EPHA6: variants seen among roughly 807,000 people sequenced by gnomAD.
EPHA6 encodes the protein ephrin type-A receptor 6.
Under a neutral mutation model 112.0 loss-of-function variants are expected in EPHA6, and 50 were observed. The observed-to-expected ratio is 0.45, with a 90% CI of 0.36 to 0.56. The LOEUF (loss-of-function observed/expected upper bound fraction) is 0.56. Ranked by LOEUF, EPHA6 falls within the 20% of genes least tolerant of loss-of-function variation. EPHA6 has a pLI of 0.00. For missense variants in EPHA6, 1,280 were observed against 1,417.4 expected (o/e 0.90, Z 1.56); for synonymous variants, 529 against 490.7 (o/e 1.08, Z -1.03).
chr3:97,467,673 C>T (rs912064386), intron 7 of EPHA6, among the ~76,000 whole-genome samples: 1 of 151,698 alleles, frequency 6.6e-6, no homozygotes, highest in Non-Finnish European at 1.5e-5. Context: ...GAAAAATGTT[C>T]TCAAGACCTA....
chr3:97,042,274 G>A (rs368128084), intron 3 of EPHA6, among the ~76,000 whole-genome samples: 5 of 151,928 alleles, frequency 3.3e-5, no homozygotes, highest in African/African-American at 9.7e-5. Flanking sequence ...TCTCCCACTC[G>A]TGCTCTCTCC....
chr3:97,071,226 T>G (rs1304328006), intron 3 of EPHA6, among the ~76,000 whole-genome samples: 2 of 152,024 alleles, frequency 1.3e-5, no homozygotes. Flanking sequence ...TCTTTTGTCC[T>G]AAGATAAAAA....
At chr3:97,009,879 A>G in intron 3 of EPHA6, 1 of 423,342 alleles carries the variant, frequency 2.4e-6, no homozygotes, top group Non-Finnish European at 4.6e-6. Flanking sequence ...CCACCACACC[A>G]CTCTGCTCTT....
Position 97,754,084 on chromosome 3 carries a change from CTTTT to C in EPHA6, c.*5401_*5404del, listed in dbSNP as rs10559270. On this transcript the variant is annotated 3_prime_UTR_variant, in exon 18 of 18. Transcript: ENST00000389672. ...AATGTATAAAAAATAACATTTATATCTTTTTTTTTTTTTTTTTTTTTGAGATGGA... is the reference window on the plus strand; with the variant it reads ...AATGTATAAAAAATAACATTTATATCTTTTTTTTTTTTTTTTTGAGATGGA... Among the ~76,000 whole-genome samples, 3 of 102,058 alleles carry C rather than the reference CTTTT, an allele frequency of 2.9e-5. No individual in the cohort carries two copies. Among genetic ancestry groups the C allele is most frequent in the Admixed American group, 1.1e-4 (1 of 8,870 alleles). The allele number at this position is 102,058 out of a possible 152,430, so 67.0% of individuals were successfully genotyped here.
chr3:96,818,807 C>G (rs992036528), intron 1 of EPHA6, among the ~76,000 whole-genome samples: 2 of 151,638 alleles, frequency 1.3e-5, no homozygotes, highest in Non-Finnish European at 1.5e-5. Context: ...TCTGAAAGAC[C>G]ATTCATTTAG....
chr3:96,954,365 T>C (rs2041673395), intron 2 of EPHA6, among the ~76,000 whole-genome samples: 1 of 152,122 alleles, frequency 6.6e-6, no homozygotes, highest in Non-Finnish European at 1.5e-5. Context: ...TTCCCCAATA[T>C]CTCTTTGAAC....
In EPHA6 at chr3:96,943,957, ATGT is replaced by A. The variant is rs565270696; in HGVS notation, c.451-43368_451-43366del. ...TTATGATATATATGATATATCAATA[ATGT>A]TGTTCTAATAGATCATAAATTGTAT... On this transcript the variant is annotated intron_variant, in intron 2 of 17. Coordinates refer to ENST00000389672, the MANE Select transcript of EPHA6 (RefSeq NM_001080448.3). Among the ~76,000 whole-genome samples, 11 of 152,356 alleles carry A rather than the reference ATGT, an allele frequency of 7.2e-5. No homozygotes were observed. In the South Asian group the frequency reaches 1.7e-3, roughly 23 times the overall value.
chr3:96,990,091 A>AC (rs2043161107), intron 3 of EPHA6, among the ~76,000 whole-genome samples: 1 of 152,202 alleles, frequency 6.6e-6, no homozygotes, highest in African/African-American at 2.4e-5. Context: ...TGGTAAAAAA[A>AC]ATACAGTTTT....
intron 6 of EPHA6, among the ~76,000 whole-genome samples, chr3:97,421,716 C>A (rs2088649723): frequency 1.3e-5 from 2 of 152,210 alleles, no homozygotes; most frequent in Admixed American, 6.5e-5. Context: ...CATGCCTTGG[C>A]AGATACTTTA....
rs527286098 is a variant in EPHA6, at chr3:97,568,036, G to A, written c.2387-24576G>A. On this transcript the variant is annotated intron_variant, in intron 11 of 17. Coordinates refer to ENST00000389672, the MANE Select transcript of EPHA6 (RefSeq NM_001080448.3). ...AAGAGGAGAAAAGTCATCATTTGGGGTGTATAATCTAGGTAGAGGAGGTTT... is the reference window on the plus strand; with the variant it reads ...AAGAGGAGAAAAGTCATCATTTGGGATGTATAATCTAGGTAGAGGAGGTTT... 4.6e-5 allele frequency among the ~76,000 whole-genome samples: 7 copies of A among 152,238 alleles called. No homozygotes were observed. The South Asian group carries it at 1.5e-3, about 32-fold the overall frequency.
intron 5 of EPHA6, among the ~76,000 whole-genome samples, chr3:97,397,972 G>A (rs948940426): frequency 2.0e-5 from 3 of 151,488 alleles, no homozygotes; most frequent in African/African-American, 7.3e-5. Flanking sequence ...TTTGGACCAT[G>A]AAATCCATTT....
At chr3:97,245,137 T>G (rs1455437361) in intron 5 of EPHA6, among the ~76,000 whole-genome samples, 1 of 152,088 alleles carries the variant, frequency 6.6e-6, no homozygotes, top group Non-Finnish European at 1.5e-5. Context: ...CACATTTGTT[T>G]GCTAAGGCAG....
chr3:97,706,257 GA>G (rs893341594), intron 14 of EPHA6, among the ~76,000 whole-genome samples: 1 of 150,854 alleles, frequency 6.6e-6, no homozygotes, highest in African/African-American at 2.4e-5. Flanking sequence ...TTTATTTTAG[GA>G]AAAAAAACAC....
intron 5 of EPHA6, among the ~76,000 whole-genome samples, chr3:97,332,905 T>C (rs2082868706): frequency 6.6e-6 from 1 of 152,112 alleles, no homozygotes; most frequent in South Asian, 2.1e-4. Flanking sequence ...ATTCCTCCCA[T>C]TTTATTCTTT....
intron 3 of EPHA6, among the ~76,000 whole-genome samples, chr3:97,085,799 A>C (rs760290060): frequency 6.6e-6 from 1 of 151,832 alleles, no homozygotes; most frequent in Non-Finnish European, 1.5e-5. Context: ...TTCTTAAACT[A>C]CTTTTCATCT....
At chr3:97,271,796 ACTTC>A (rs2079891624) in intron 5 of EPHA6, among the ~76,000 whole-genome samples, 1 of 152,180 alleles carries the variant, frequency 6.6e-6, no homozygotes, top group Admixed American at 6.5e-5. Flanking sequence ...AAAAATGGCC[ACTTC>A]CTTTTTATTT....
At chr3:96,976,414 A>G (rs1231790152) in intron 2 of EPHA6, among the ~76,000 whole-genome samples, 1 of 152,134 alleles carries the variant, frequency 6.6e-6, no homozygotes, top group African/African-American at 2.4e-5. Context: ...CTGCACTAAA[A>G]TGTTGTTAAT....
intron 3 of EPHA6, among the ~76,000 whole-genome samples, chr3:97,015,092 C>T (rs943902153): frequency 1.1e-4 from 16 of 152,106 alleles, no homozygotes; most frequent in Admixed American, 7.2e-4. Flanking sequence ...TTACCAAAAT[C>T]ATTGTCTCCT....
At chr3:96,988,022 C>A in intron 3 of EPHA6, 29 bp downstream of exon 3, 1 of 1,498,310 alleles carries the variant, frequency 6.7e-7, no homozygotes, top group Non-Finnish European at 9.0e-7. Context: ...AATAATTTAT[C>A]TTGCATTTAA....
Sources: gnomAD v4.1 joint callset for allele counts (sites outside exome capture counted in the v4.1 genomes callset) on GRCh38, gnomAD v4.1.1 for gene constraint, MANE v1.5 for transcripts, NCBI Gene and HGNC (gene_info 2026-07-23, HGNC 2026-07-21) for gene names.